Variants in BDP1 observed in about 807,000 individuals in gnomAD.
The protein encoded by BDP1 is BDP1 general transcription factor IIIB subunit, also known as transcription factor TFIIIB component B'' homolog.
A neutral mutation model predicts 266.6 loss-of-function variants in BDP1; 169 were observed. That is an observed-to-expected ratio of 0.63 (90% confidence interval 0.56 to 0.72). BDP1 has a LOEUF of 0.72. BDP1 is among the 30% of genes least tolerant of loss of function. The probability of loss-of-function intolerance (pLI) is 0.00; values close to 1 mark genes in which losing one functional copy is unlikely to be tolerated. For missense variants in BDP1, 3,015 were observed against 3,053.8 expected, an observed-to-expected ratio of 0.99 and a Z score of 0.30; for synonymous variants, 1,090 against 1,022.4, an observed-to-expected ratio of 1.07 and a Z score of -1.26.
At chr5:71,473,003 C>T (rs1461621137) in intron 7 of BDP1, among the ~76,000 whole-genome samples, 2 of 149,432 alleles carry the variant, frequency 1.3e-5, no homozygotes, top group Non-Finnish European at 3.0e-5. Context: ...CCACCTCAGC[C>T]TCCTGAGTAG....
the BDP1 span, among the ~76,000 whole-genome samples, chr5:71,576,140 A>G: frequency 6.6e-6 from 1 of 152,294 alleles, no homozygotes; most frequent in African/African-American, 2.4e-5. Flanking sequence ...GTTCTTGGCC[A>G]TGTTAGCCAT....
intron 22 of BDP1, 52 bp downstream of exon 22, chr5:71,517,504 T>C (rs767900574): frequency 8.2e-6 from 12 of 1,462,486 alleles, no homozygotes; most frequent in Admixed American, 2.4e-5. Context: ...ATAAAAGTTA[T>C]ATTTTTGCAT....
chr5:71,510,665 T>A lies in BDP1; in HGVS notation c.3573T>A (p.Asp1191Glu), dbSNP rs778192499. The A allele has an allele frequency of 6.3e-7, 1 of 1,585,404 alleles. No individual in the cohort carries two copies. Among genetic ancestry groups the A allele is most frequent in the Non-Finnish European group, 8.6e-7 (1 of 1,162,522 alleles). Residue 1191 changes from aspartate (D) to glutamate (E), a missense_variant, in exon 17 of 39, where the codon GAT becomes GAA. By Grantham distance (45) the Asp-to-Glu change is conservative. This residue lies in a region of BDP1 where 2,383 missense variants were observed against 2,404.9 expected (regional missense o/e 0.99). Transcript: ENST00000358731. ...SSREKTREVI[D>E]AAEVIETDLE... Reference sequence around the variant, plus strand: ...GGGAGAAGACACGAGAGGTGATTGATGCTGCTGAGGTAATAGAGACAGATT... The same window carrying A: ...GGGAGAAGACACGAGAGGTGATTGAAGCTGCTGAGGTAATAGAGACAGATT...
chr5:71,485,984 C>G (rs1763237756), intron 8 of BDP1, among the ~76,000 whole-genome samples: 1 of 152,096 alleles, frequency 6.6e-6, no homozygotes, highest in South Asian at 2.1e-4. Context: ...CTATTATGTC[C>G]CTTTCTGAAC....
At chr5:71,549,017 T>C (rs1226216462) in intron 33 of BDP1, among the ~76,000 whole-genome samples, 1 of 152,138 alleles carries the variant, frequency 6.6e-6, no homozygotes, top group East Asian at 1.9e-4. Context: ...GGTGGGTAGA[T>C]CACTTGAGGC....
intron 28 of BDP1, among the ~76,000 whole-genome samples, chr5:71,540,087 A>C (rs554818108): frequency 3.3e-5 from 5 of 152,294 alleles, no homozygotes; most frequent in African/African-American, 1.2e-4. Flanking sequence ...GCACTCATTG[A>C]AATAATTTAG....
rs767611882 is a variant in BDP1, at chr5:71,467,279, T to C, written c.786-75T>C. ...GATTGCCATGCTAAACCTCAAAATA[T>C]AACTATTTACATCTCATTTGCTATT... On this transcript the variant is annotated intron_variant, in intron 5 of 38. Coordinates refer to ENST00000358731, the MANE Select transcript of BDP1 (RefSeq NM_018429.3). 445 of 1,236,666 alleles carry C rather than the reference T, an allele frequency of 3.6e-4. 1 individual carries two copies. Among genetic ancestry groups the C allele is most frequent in the Non-Finnish European group, 4.0e-4 (348 of 872,068 alleles). The allele number at this position is 1,236,666 out of a possible 1,614,324, so 76.6% of individuals were successfully genotyped here.
downstream of BDP1, among the ~76,000 whole-genome samples, chr5:71,569,722 G>A (rs1744203282): frequency 6.6e-6 from 1 of 152,168 alleles, no homozygotes; most frequent in African/African-American, 2.4e-5. Context: ...TCCAGCGTGG[G>A]TGAAAGAGGG....
intron 26 of BDP1, among the ~76,000 whole-genome samples, chr5:71,535,608 CAA>C (rs1459605033): frequency 6.6e-6 from 1 of 152,156 alleles, no homozygotes; most frequent in Non-Finnish European, 1.5e-5. Flanking sequence ...AAAAACAAAA[CAA>C]AACAAATTTA....
chr5:71,461,993 C>T (rs1465997460), intron 3 of BDP1, 67 bp downstream of exon 3: 27 of 837,314 alleles, frequency 3.2e-5, no homozygotes, highest in East Asian at 1.1e-4. Context: ...GGTGGAGTCT[C>T]GCTCTGTCAC....
intron 34 of BDP1, among the ~76,000 whole-genome samples, chr5:71,550,945 A>G (rs1742696794): frequency 6.6e-6 from 1 of 152,094 alleles, no homozygotes; most frequent in Admixed American, 6.5e-5. Context: ...GCCTCAGGTA[A>G]TACACCTGCC....
chr5:71,487,608 T>TCA (rs1237310858), intron 9 of BDP1, among the ~76,000 whole-genome samples: 1 of 152,146 alleles, frequency 6.6e-6, no homozygotes, highest in Non-Finnish European at 1.5e-5. Context: ...TCCTAAGGAC[T>TCA]CACAGTGTGT....
At chr5:71,522,553 C>G in intron 23 of BDP1, 63 bp downstream of exon 23, 1 of 1,366,338 alleles carries the variant, frequency 7.3e-7, no homozygotes. Context: ...TTGTCAAGAT[C>G]ATGAAGAGCA....
chr5:71,500,958 G>C (rs1002572582), intron 13 of BDP1, among the ~76,000 whole-genome samples: 1 of 151,812 alleles, frequency 6.6e-6, no homozygotes, highest in African/African-American at 2.4e-5. Context: ...AAATTAGCTG[G>C]GCATAGTGTG....
rs760371775 is a variant in BDP1 at position 71,489,401 on chromosome 5, C to T, written c.1214-3C>T. ...TATTTATAGTAATTTCTCTTGTTTTCAGTGAAAAAAGTTGCCTGTGAAGGA... is the reference window on the plus strand; with the variant it reads ...TATTTATAGTAATTTCTCTTGTTTTTAGTGAAAAAAGTTGCCTGTGAAGGA... On this transcript the variant is annotated splice_region_variant and splice_polypyrimidine_tract_variant and intron_variant, in intron 9 of 38. Coordinates refer to ENST00000358731, the MANE Select transcript of BDP1 (RefSeq NM_018429.3). 1 of 1,574,894 alleles carries T rather than the reference C, an allele frequency of 6.3e-7. No homozygotes were observed. The highest frequency in any genetic ancestry group is 8.6e-7 in the Non-Finnish European group (1 of 1,166,132).
At position 71,510,347 on chromosome 5, in the gene BDP1, G is replaced by A; in HGVS notation, c.3255G>A (p.Glu1085=). Residue 1085 remains glutamate (E), a synonymous_variant, in exon 17 of 39, where the codon GAG becomes GAA. Transcript: ENST00000358731. ...GKTPEVIDAI[E]EIEIDLEETE... is the part of the protein sequence containing the mutation. ...CACCAGAGGTGATTGATGCCATTGA[G>A]GAAATAGAGATAGATTTGGAAGAAA... is the stretch of plus-strand genomic sequence containing the variant. 6.2e-7 allele frequency: 1 copy of A among 1,613,738 alleles called. No homozygotes were observed. Among genetic ancestry groups the A allele is most frequent in the Non-Finnish European group, 8.5e-7 (1 of 1,179,966 alleles).
chr5:71,535,042 T>G (rs1766504780), intron 26 of BDP1, among the ~76,000 whole-genome samples: 1 of 152,226 alleles, frequency 6.6e-6, no homozygotes, highest in African/African-American at 2.4e-5. Flanking sequence ...ACTTCTTTGG[T>G]GGATTCCTTA....
At chr5:71,520,902 T>C (rs1249324016) in intron 22 of BDP1, among the ~76,000 whole-genome samples, 2 of 152,086 alleles carry the variant, frequency 1.3e-5, no homozygotes, top group African/African-American at 4.8e-5. Flanking sequence ...AAAGGGTGCA[T>C]TGAAGGCCGG....
chr5:71,522,711 G>C (rs1056759223), intron 23 of BDP1, 45 bp from the exon 24 acceptor site: 1 of 1,521,842 alleles, frequency 6.6e-7, no homozygotes, highest in African/African-American at 1.4e-5. Context: ...TTAACATAGA[G>C]ATTGTTTCTG....
Sources: gnomAD v4.1 joint callset for allele counts (sites outside exome capture counted in the v4.1 genomes callset) on GRCh38, gnomAD v4.1.1 for gene constraint, gnomAD v4.1.1 regional missense constraint, MANE v1.5 for transcripts, NCBI Gene and HGNC (gene_info 2026-07-23, HGNC 2026-07-21) for gene names.